DYNC1I1: variants seen among roughly 807,000 people sequenced by gnomAD.
DYNC1I1 encodes the protein cytoplasmic dynein 1 intermediate chain 1.
A neutral mutation model predicts 86.6 loss-of-function variants in DYNC1I1; 43 were observed. That is an observed-to-expected ratio of 0.50 (90% CI 0.39 to 0.64). The LOEUF (loss-of-function observed/expected upper bound fraction) is 0.64, where lower values mean the gene tolerates loss of function less well. DYNC1I1 is among the 30% of genes least tolerant of loss of function. The probability of loss-of-function intolerance (pLI) is 0.00; values close to 1 mark genes in which losing one functional copy is unlikely to be tolerated. For missense variants in DYNC1I1, 604 were observed against 788.8 expected (o/e 0.77, Z 2.81); for synonymous variants, 262 against 283.7 (o/e 0.92, Z 0.77).
chr7:95,930,487 C>T (rs950513663), intron 6 of DYNC1I1, among the ~76,000 whole-genome samples: 1 of 152,290 alleles, frequency 6.6e-6, no homozygotes, highest in Admixed American at 6.5e-5. Flanking sequence ...CGCAGAAATG[C>T]TTTTTCCTCC....
intron 5 of DYNC1I1, among the ~76,000 whole-genome samples, chr7:95,854,074 G>A (rs1044124334): frequency 1.2e-4 from 19 of 152,046 alleles, no homozygotes; most frequent in African/African-American, 3.9e-4. Context: ...TGTAGGCAGC[G>A]TATTTTTTAT....
chr7:96,075,967 T>G, intron 14 of DYNC1I1, 90 bp from the exon 15 acceptor site: 2 of 1,520,536 alleles, frequency 1.3e-6, no homozygotes, highest in South Asian at 2.7e-5. Flanking sequence ...TATGACACTT[T>G]GTGAATGTGC....
chr7:96,063,249 T>C (rs1174841167), intron 14 of DYNC1I1, among the ~76,000 whole-genome samples: 2 of 151,932 alleles, frequency 1.3e-5, no homozygotes, highest in Non-Finnish European at 2.9e-5. Flanking sequence ...AGGAGAGAAA[T>C]AGCTGCTCAG....
intron 6 of DYNC1I1, among the ~76,000 whole-genome samples, chr7:95,924,186 A>G (rs933008334): frequency 6.6e-6 from 1 of 152,124 alleles, no homozygotes; most frequent in African/African-American, 2.4e-5. Context: ...TGATTCTGAG[A>G]TACAATCTTC....
chr7:96,069,191 G>A (rs944164521), intron 14 of DYNC1I1, among the ~76,000 whole-genome samples: 1 of 152,068 alleles, frequency 6.6e-6, no homozygotes, highest in Non-Finnish European at 1.5e-5. Flanking sequence ...ATGCTTCTTT[G>A]TCTAAATAAT....
intron 1 of DYNC1I1, among the ~76,000 whole-genome samples, chr7:95,799,110 G>A (rs372764700): frequency 6.6e-6 from 1 of 152,272 alleles, no homozygotes; most frequent in Non-Finnish European, 1.5e-5. Context: ...GGGGCCGGGT[G>A]TGGTGGCTCA....
At chr7:95,785,764 T>A (rs1584219911) in intron 1 of DYNC1I1, among the ~76,000 whole-genome samples, 1 of 100,774 alleles carries the variant, frequency 9.9e-6, no homozygotes, top group East Asian at 3.0e-4. Flanking sequence ...TGTATATATA[T>A]GTGTGTATGT....
At chr7:95,810,024 C>T (rs1325540529) in intron 2 of DYNC1I1, among the ~76,000 whole-genome samples, 2 of 152,132 alleles carry the variant, frequency 1.3e-5, no homozygotes, top group Non-Finnish European at 2.9e-5. Context: ...TACAAACACA[C>T]AGTCATCAAT....
At chr7:96,012,450 G>T (rs922095710) in intron 10 of DYNC1I1, among the ~76,000 whole-genome samples, 5 of 152,180 alleles carry the variant, frequency 3.3e-5, no homozygotes, top group African/African-American at 1.2e-4. Flanking sequence ...TATTCTGCCT[G>T]GAACTTTAGC....
chr7:95,908,891 A>G (rs1392547639), intron 6 of DYNC1I1, among the ~76,000 whole-genome samples: 2 of 152,206 alleles, frequency 1.3e-5, no homozygotes, highest in East Asian at 3.9e-4. Context: ...AAGAAACAAA[A>G]GACTACTTTT....
At chr7:95,905,610 A>C (rs909410417) in intron 6 of DYNC1I1, among the ~76,000 whole-genome samples, 11 of 151,984 alleles carry the variant, frequency 7.2e-5, no homozygotes, top group Admixed American at 7.2e-4. Context: ...TTTATCCTCC[A>C]TTTTATTGCA....
rs557017196 is a variant in DYNC1I1, at chr7:95,935,934, T to C, written c.491-41578T>C. On this transcript the variant is annotated intron_variant, in intron 6 of 16. Transcript: ENST00000447467. ...TGCCTCATACCTGCTAGCATGGTTA[T>C]TATTTTAAAAAGACAAGTATTAGTG... 5.3e-5 allele frequency among the ~76,000 whole-genome samples: 8 copies of C among 152,204 alleles called. No homozygotes were observed. The East Asian group carries it at 1.5e-3, about 29-fold the overall frequency.
intron 6 of DYNC1I1, among the ~76,000 whole-genome samples, chr7:95,889,446 A>G (rs1346820463): frequency 6.6e-6 from 1 of 152,190 alleles, no homozygotes; most frequent in Non-Finnish European, 1.5e-5. Flanking sequence ...ACAAGAATCA[A>G]CTCAACATGG....
intron 6 of DYNC1I1, among the ~76,000 whole-genome samples, chr7:95,977,067 C>G (rs578174587): frequency 9.3e-4 from 141 of 152,300 alleles, no homozygotes; most frequent in Admixed American, 2.6e-3. Flanking sequence ...TGTATTTAAC[C>G]CTTTCCTGTA....
At chr7:96,060,543 A>G (rs1344663671) in intron 14 of DYNC1I1, among the ~76,000 whole-genome samples, 1 of 152,196 alleles carries the variant, frequency 6.6e-6, no homozygotes. Context: ...GTATGATGCT[A>G]TAATGGTGGA....
chr7:95,930,549 A>G lies in DYNC1I1; in HGVS notation c.491-46963A>G, dbSNP rs537648301. Among the ~76,000 whole-genome samples, 4 of 152,276 alleles carry G rather than the reference A, an allele frequency of 2.6e-5. No individual in the cohort carries two copies. The South Asian group carries it at 8.3e-4, about 32-fold the overall frequency. On this transcript the variant is annotated intron_variant, in intron 6 of 16. Transcript: ENST00000447467. The stretch of plus-strand genomic sequence containing the variant: ...GGAGGGAGGTCTGGTTGCTATGGAT[A>G]TCTGAAATTTTATGTTTACAATTTA...
intron 6 of DYNC1I1, among the ~76,000 whole-genome samples, chr7:95,949,660 A>T (rs957230420): frequency 3.3e-5 from 5 of 152,232 alleles, no homozygotes; most frequent in African/African-American, 1.2e-4. Context: ...CTGAGATGAA[A>T]GTCATTCAGC....
intron 14 of DYNC1I1, among the ~76,000 whole-genome samples, chr7:96,058,402 T>TCCA: frequency 6.6e-6 from 1 of 152,320 alleles, no homozygotes; most frequent in Non-Finnish European, 1.5e-5. Context: ...AGATGTTTTG[T>TCCA]CCACCTTTAG....
chr7:95,858,051 T>C (rs1172584012), intron 5 of DYNC1I1, among the ~76,000 whole-genome samples: 1 of 152,192 alleles, frequency 6.6e-6, no homozygotes, highest in African/African-American at 2.4e-5. Context: ...TAGGCCCTTC[T>C]TGAGTATTTG....
Sources: allele counts gnomAD v4.1 joint callset (sites outside exome capture counted in the v4.1 genomes callset), GRCh38; gene constraint gnomAD v4.1.1; transcripts MANE v1.5; gene names NCBI Gene and HGNC (gene_info 2026-07-23, HGNC 2026-07-21).